The following LY96 variants were observed in gnomAD, a reference collection of about 807,000 sequenced individuals.
LY96 encodes myeloid differentiation protein-2.
A neutral mutation model predicts 18.9 loss-of-function variants in LY96; 18 were observed. That is an observed-to-expected ratio of 0.95 (90% CI 0.66 to 1.41). The LOEUF (loss-of-function observed/expected upper bound fraction) is 1.41, where lower values mean the gene tolerates loss of function less well. Ranked by LOEUF, LY96 falls within the 40% of genes most tolerant of loss-of-function variation. LY96 has a pLI of 0.00. For missense variants in LY96, 175 were observed against 182.4 expected (o/e 0.96, Z 0.23); for synonymous variants, 66 against 62.6 (o/e 1.06, Z -0.26).
the LY96 span, among the ~76,000 whole-genome samples, chr8:74,048,342 A>C: frequency 6.6e-6 from 1 of 151,614 alleles, no homozygotes; most frequent in Non-Finnish European, 1.5e-5. Flanking sequence ...GCTCACTGCA[A>C]CCTCCACCTC....
the LY96 span, among the ~76,000 whole-genome samples, chr8:74,063,547 C>A: frequency 6.6e-6 from 1 of 152,024 alleles, no homozygotes; most frequent in African/African-American, 2.4e-5. Flanking sequence ...CTGTGGCAGT[C>A]CTGCTGAGAT....
the LY96 span, among the ~76,000 whole-genome samples, chr8:74,057,271 T>C: frequency 2.0e-5 from 3 of 152,190 alleles, no homozygotes; most frequent in Non-Finnish European, 4.4e-5. Flanking sequence ...GAAGTGCTCC[T>C]ACCTTTGATG....
chr8:74,015,241 G>A (rs749799779), intron 3 of LY96, among the ~76,000 whole-genome samples: 5 of 152,140 alleles, frequency 3.3e-5, no homozygotes, highest in South Asian at 2.1e-4. Context: ...TTCTGTTACC[G>A]GGATTTTGCT....
At chr8:74,087,093 CT>C in the LY96 span, among the ~76,000 whole-genome samples, 40 of 152,296 alleles carry the variant, frequency 2.6e-4, no homozygotes, top group Admixed American at 2.3e-3. Context: ...TGCGGATACT[CT>C]TCTGAAGTTG....
At chr8:74,096,716 C>T in the LY96 span, among the ~76,000 whole-genome samples, 1 of 152,108 alleles carries the variant, frequency 6.6e-6, no homozygotes, top group African/African-American at 2.4e-5. Flanking sequence ...CTGTTTTGTA[C>T]CCCAGCACCT....
downstream of LY96, among the ~76,000 whole-genome samples, chr8:74,033,622 C>T (rs1473875450): frequency 6.6e-6 from 1 of 152,186 alleles, no homozygotes; most frequent in African/African-American, 2.4e-5. Flanking sequence ...TCCCATCTAA[C>T]CAGAGCTGTT....
chr8:74,004,609 G>A (rs1167998622), intron 1 of LY96, among the ~76,000 whole-genome samples, 187 bp from the exon 2 acceptor site: 1 of 152,208 alleles, frequency 6.6e-6, no homozygotes, highest in Non-Finnish European at 1.5e-5. Flanking sequence ...GGCAAGAAGA[G>A]TTCAGGGCTT....
At chr8:74,075,221 T>G in the LY96 span, among the ~76,000 whole-genome samples, 1 of 152,222 alleles carries the variant, frequency 6.6e-6, no homozygotes, top group Non-Finnish European at 1.5e-5. Context: ...ATTGACCCCT[T>G]TATTATTATA....
chr8:74,056,376 C>T, the LY96 span: 3 of 327,738 alleles, frequency 9.2e-6, no homozygotes, highest in Non-Finnish European at 1.8e-5. Flanking sequence ...AATCATGATC[C>T]CAGAGGTGCA....
At chr8:74,049,788 T>A in the LY96 span, among the ~76,000 whole-genome samples, 1 of 152,190 alleles carries the variant, frequency 6.6e-6, no homozygotes, top group South Asian at 2.1e-4. Context: ...AGTTGCTAAT[T>A]AATGGAATAT....
chr8:74,034,748 G>A, the LY96 span, among the ~76,000 whole-genome samples: 4 of 152,104 alleles, frequency 2.6e-5, no homozygotes, highest in Admixed American at 6.6e-5. Context: ...AAAATGCCCC[G>A]CTGCTAAGAC....
At chr8:74,008,149 T>C (rs890416610) in intron 2 of LY96, among the ~76,000 whole-genome samples, 4 of 152,246 alleles carry the variant, frequency 2.6e-5, no homozygotes, top group African/African-American at 7.2e-5. Flanking sequence ...CCATCGTTCA[T>C]GTTCTTAACG....
chr8:74,069,896 C>T, the LY96 span, among the ~76,000 whole-genome samples: 3 of 152,078 alleles, frequency 2.0e-5, no homozygotes, highest in African/African-American at 2.4e-5. Context: ...GCCACTGTGC[C>T]CGGCCCATTT....
At chr8:74,037,623 A>G in the LY96 span, among the ~76,000 whole-genome samples, 1 of 152,120 alleles carries the variant, frequency 6.6e-6, no homozygotes, top group Non-Finnish European at 1.5e-5. Context: ...ACAGAGTGAG[A>G]CTCTGTTTCA....
At chr8:74,037,334 C>G in the LY96 span, among the ~76,000 whole-genome samples, 1,059 of 152,084 alleles carry the variant, frequency 7.0e-3, 8 homozygotes, top group African/African-American at 0.025. Flanking sequence ...AATGGTGAGT[C>G]TAAAAAAATA....
intron 4 of LY96, among the ~76,000 whole-genome samples, chr8:74,027,407 G>A (rs2131286296): frequency 6.6e-6 from 1 of 151,578 alleles, no homozygotes; most frequent in South Asian, 2.1e-4. Flanking sequence ...CCAGGTTCAG[G>A]TGATTCTGTG....
At chr8:74,079,259 C>G in the LY96 span, among the ~76,000 whole-genome samples, 4 of 152,240 alleles carry the variant, frequency 2.6e-5, no homozygotes, top group African/African-American at 9.6e-5. Context: ...ACTCCATCAG[C>G]TTTCCTGGGC....
At chr8:73,996,945 A>G in intron 1 of LY96, among the ~76,000 whole-genome samples, 1 of 152,050 alleles carries the variant, frequency 6.6e-6, no homozygotes, top group East Asian at 1.9e-4. Context: ...GGGTTTCACC[A>G]TGTTGGTCAG....
chr8:74,062,279 G>C, the LY96 span, among the ~76,000 whole-genome samples: 1 of 152,000 alleles, frequency 6.6e-6, no homozygotes, highest in East Asian at 1.9e-4. Flanking sequence ...TGCAGGATGT[G>C]CAGGTTTATT....
Sources: allele counts gnomAD v4.1 joint callset (sites outside exome capture counted in the v4.1 genomes callset), GRCh38; gene constraint gnomAD v4.1.1; transcripts MANE v1.5; gene names NCBI Gene and HGNC (gene_info 2026-07-23, HGNC 2026-07-21).